PAX5: variants seen among roughly 807,000 people sequenced by gnomAD.
The protein encoded by PAX5 is paired box 5, also known as paired box protein Pax-5.
A neutral mutation model predicts 43.7 loss-of-function variants in PAX5; 9 were observed. That is an observed-to-expected ratio of 0.21 (90% CI 0.12 to 0.36). PAX5 has a LOEUF of 0.36. PAX5 is among the 10% of genes least tolerant of loss of function. The pLI is 1.00. For missense variants in PAX5, 383 were observed against 532.7 expected (o/e 0.72, Z 2.77); for synonymous variants, 228 against 214.3 (o/e 1.06, Z -0.56).
chr9:36,883,663 T>C (rs1055585927), intron 7 of PAX5, among the ~76,000 whole-genome samples: 3 of 151,728 alleles, frequency 2.0e-5, no homozygotes, highest in African/African-American at 7.3e-5. Context: ...AGAGTGAGAC[T>C]CCATTCACAA....
At chr9:37,001,263 C>A (rs960687794) in intron 5 of PAX5, among the ~76,000 whole-genome samples, 1 of 152,198 alleles carries the variant, frequency 6.6e-6, no homozygotes, top group Non-Finnish European at 1.5e-5. Context: ...TTTTCTCTTT[C>A]CCCAAAAATC....
At position 36,999,339 on chromosome 9, in the gene PAX5, G is replaced by A. The variant is rs897097436; in HGVS notation, c.604+3309C>T. 2.0e-5 allele frequency among the ~76,000 whole-genome samples: 3 copies of A among 152,146 alleles called. No individual in the cohort carries two copies. The South Asian group carries it at 6.2e-4, about 31-fold the overall frequency. On this transcript the variant is annotated intron_variant, in intron 5 of 9. Transcript: ENST00000358127. ...ATGAGGAGCCCCCAAGATCCTTTTG[G>A]TCAAAACTGGCCCTCCCTGCCTTAC...
At chr9:36,997,255 T>C (rs529184173) in intron 5 of PAX5, among the ~76,000 whole-genome samples, 65 of 152,224 alleles carry the variant, frequency 4.3e-4, no homozygotes, top group Non-Finnish European at 2.9e-5. Context: ...GGCTGGAAAC[T>C]CACTTGCAAC....
chr9:36,892,434 T>C (rs1024596582), intron 7 of PAX5, among the ~76,000 whole-genome samples: 121 of 152,362 alleles, frequency 7.9e-4, no homozygotes, highest in African/African-American at 2.7e-3. Flanking sequence ...GCACTTTGTA[T>C]GTATTATCTC....
chr9:36,836,605 C>T lies in PAX5; in HGVS notation c.*3955G>A, dbSNP rs575882529. On this transcript the variant is annotated 3_prime_UTR_variant, in exon 10 of 10. Transcript: ENST00000358127. ...CACTGCTGCACCGTACTGTCTGGTG[C>T]GCTGCCCGAGTGGCAAGGCTACACC... 39 of 232,674 alleles carry T rather than the reference C, an allele frequency of 1.7e-4. 1 individual carries two copies. In the South Asian group the frequency reaches 3.8e-3, roughly 23 times the overall value. 14.4% of individuals were successfully genotyped at this position (232,674 alleles called of 1,614,324 possible).
intron 8 of PAX5, among the ~76,000 whole-genome samples, chr9:36,849,928 G>T (rs1822986627): frequency 6.6e-6 from 1 of 152,362 alleles, no homozygotes; most frequent in Admixed American, 6.5e-5. Context: ...TGCCACACAA[G>T]AAGCTGTCTG....
chr9:36,915,318 A>G (rs1829646945), intron 7 of PAX5, among the ~76,000 whole-genome samples: 1 of 152,236 alleles, frequency 6.6e-6, no homozygotes, highest in Non-Finnish European at 1.5e-5. Flanking sequence ...GCATCAATGT[A>G]TGCTCTTATA....
chr9:36,867,739 C>G (rs899619815), intron 8 of PAX5, among the ~76,000 whole-genome samples: 2 of 152,204 alleles, frequency 1.3e-5, no homozygotes, highest in Non-Finnish European at 2.9e-5. Flanking sequence ...CACTCCTTCT[C>G]TCTTCCTTTC....
chr9:37,034,069 AGTTTCCACTTTTTT>A lies in PAX5; in HGVS notation c.-52_-39del, dbSNP rs561078301. On this transcript the variant is annotated 5_prime_UTR_variant, in exon 1 of 10. Coordinates refer to ENST00000358127, the MANE Select transcript of PAX5 (RefSeq NM_016734.3). ...GGACTTGATGGAATGGACAGGGAAA[AGTTTCCACTTTTTT>A]GTGCCTTTTTTTTTCTTTTTTTTTT... is the stretch of plus-strand genomic sequence containing the variant. 383 of 1,021,986 alleles carry A rather than the reference AGTTTCCACTTTTTT, an allele frequency of 3.7e-4. 4 individuals carry two copies. The South Asian group carries it at 5.7e-3, about 15-fold the overall frequency. 63.3% of individuals were successfully genotyped at this position (1,021,986 alleles called of 1,614,324 possible). A position where few individuals can be genotyped will look rare whatever the true frequency, so the allele number is the denominator to read the frequency against.
intron 1 of PAX5, among the ~76,000 whole-genome samples, chr9:37,024,328 C>CAAAG (rs1840112715): frequency 6.6e-6 from 1 of 151,960 alleles, no homozygotes; most frequent in Admixed American, 6.5e-5. Context: ...TGCTCCTCTC[C>CAAAG]AAAGAAGCTA....
intron 7 of PAX5, among the ~76,000 whole-genome samples, chr9:36,889,395 C>T (rs1013951504): frequency 3.3e-5 from 5 of 152,260 alleles, no homozygotes; most frequent in African/African-American, 1.2e-4. Context: ...CAAGGCTCTA[C>T]ACTAAGCAGT....
chr9:36,877,594 A>G (rs1986546), intron 8 of PAX5, among the ~76,000 whole-genome samples: 2 of 151,976 alleles, frequency 1.3e-5, no homozygotes, highest in African/African-American at 4.8e-5. Flanking sequence ...CAAACATGCC[A>G]ACAGGCCCTC....
intron 8 of PAX5, among the ~76,000 whole-genome samples, chr9:36,856,761 T>C (rs1325640835): frequency 2.6e-5 from 4 of 151,986 alleles, no homozygotes; most frequent in Non-Finnish European, 4.4e-5. Flanking sequence ...ATGGTCTTGA[T>C]CTCCTGACCT....
intron 7 of PAX5, among the ~76,000 whole-genome samples, chr9:36,904,094 C>T (rs1258846316): frequency 6.6e-6 from 1 of 152,190 alleles, no homozygotes; most frequent in Admixed American, 6.5e-5. Context: ...GAGTGACTCC[C>T]ACAAAGGGTT....
chr9:36,902,655 C>A (rs1450733451), intron 7 of PAX5, among the ~76,000 whole-genome samples: 3 of 152,222 alleles, frequency 2.0e-5, no homozygotes, highest in Non-Finnish European at 4.4e-5. Flanking sequence ...AAGCCACACC[C>A]TGGCTCCATG....
chr9:36,922,393 C>T (rs938665573), intron 7 of PAX5, among the ~76,000 whole-genome samples: 36 of 152,222 alleles, frequency 2.4e-4, no homozygotes, highest in African/African-American at 8.4e-4. Flanking sequence ...AGCCCCTTGT[C>T]TATTTGTGCA....
At chr9:36,975,281 C>G (rs761319404) in intron 5 of PAX5, among the ~76,000 whole-genome samples, 13 of 152,212 alleles carry the variant, frequency 8.5e-5, no homozygotes, top group Non-Finnish European at 1.3e-4. Context: ...CTGTGGCAGA[C>G]CTGGTACAGA....
chr9:36,865,899 A>T (rs769213893), intron 8 of PAX5, among the ~76,000 whole-genome samples: 1 of 152,250 alleles, frequency 6.6e-6, no homozygotes, highest in Non-Finnish European at 1.5e-5. Context: ...AGGGCTGGGC[A>T]CAAAGGACGG....
At chr9:37,013,547 C>T (rs1839146416) in intron 3 of PAX5, among the ~76,000 whole-genome samples, 1 of 152,134 alleles carries the variant, frequency 6.6e-6, no homozygotes, top group Non-Finnish European at 1.5e-5. Flanking sequence ...CGCAAAGAGC[C>T]AGAAGTAAGG....
Sources: allele counts gnomAD v4.1 joint callset (sites outside exome capture counted in the v4.1 genomes callset), GRCh38; gene constraint gnomAD v4.1.1; transcripts MANE v1.5; gene names NCBI Gene and HGNC (gene_info 2026-07-23, HGNC 2026-07-21).